Variants in KRT86 observed in about 807,000 individuals in gnomAD.
KRT86 encodes keratin 86, also known as keratin, type II cuticular Hb6.
In KRT86, 30 loss-of-function variants were observed where a neutral mutation model predicts 41.2. The observed-to-expected ratio is 0.73, with a 90% confidence interval of 0.54 to 0.99. KRT86 has a LOEUF of 0.99. KRT86 is among the 50% of genes least tolerant of loss of function. KRT86 has a pLI of 0.00. For missense variants in KRT86, 561 were observed against 571.4 expected (o/e 0.98, Z 0.19); for synonymous variants, 238 against 238.1 (o/e 1.00, Z 0.00).
intron 2 of KRT86, among the ~76,000 whole-genome samples, chr12:52,301,660 C>T (rs1938378621): frequency 6.6e-6 from 1 of 152,150 alleles, no homozygotes; most frequent in South Asian, 2.1e-4. Context: ...AAGAAGAAAA[C>T]TGCAGTTTAG....
At chr12:52,284,378 T>G (rs1201053602) in intron 2 of KRT86, among the ~76,000 whole-genome samples, 1 of 152,150 alleles carries the variant, frequency 6.6e-6, no homozygotes, top group East Asian at 1.9e-4. Context: ...TTTATAGAGA[T>G]AGAGTCTCAC....
At chr12:52,296,374 G>C (rs1385010886) in intron 2 of KRT86, among the ~76,000 whole-genome samples, 1 of 152,120 alleles carries the variant, frequency 6.6e-6, no homozygotes, top group Admixed American at 6.5e-5. Flanking sequence ...CAGCACCAAG[G>C]GAAAGTGTGT....
intron 2 of KRT86, chr12:52,288,098 C>T (rs748206510): frequency 2.5e-6 from 4 of 1,614,164 alleles, no homozygotes; most frequent in Middle Eastern, 1.6e-4. Flanking sequence ...TGTTGTCCAG[C>T]TTGACAACCA....
At chr12:52,283,469 C>A (rs1937828929) in intron 2 of KRT86, among the ~76,000 whole-genome samples, 2 of 116,288 alleles carry the variant, frequency 1.7e-5, no homozygotes. Context: ...CTAATCCAAG[C>A]ATTTTTTTTT....
intron 2 of KRT86, among the ~76,000 whole-genome samples, chr12:52,283,238 A>G (rs1032238339): frequency 3.3e-5 from 2 of 60,608 alleles, no homozygotes; most frequent in African/African-American, 7.2e-5. Context: ...TACTAAAAAT[A>G]CAAAAATTAG....
chr12:52,287,419 C>T, intron 2 of KRT86: 3 of 1,574,144 alleles, frequency 1.9e-6, no homozygotes, highest in South Asian at 2.3e-5. Flanking sequence ...TGGGAGCACC[C>T]CAGAACAGAG....
intron 2 of KRT86, chr12:52,287,396 C>A (rs1937982161): frequency 6.3e-7 from 1 of 1,590,932 alleles, no homozygotes; most frequent in Non-Finnish European, 8.6e-7. Flanking sequence ...TGAGACCACA[C>A]TCCCCACCAA....
intron 2 of KRT86, chr12:52,291,640 C>G (rs1329208028): frequency 9.7e-6 from 9 of 931,248 alleles, no homozygotes; most frequent in South Asian, 1.7e-5. Context: ...GGTGGTTAGC[C>G]GGGTCTAACG....
intron 2 of KRT86, among the ~76,000 whole-genome samples, chr12:52,281,907 T>TA (rs1037645342): frequency 6.2e-4 from 94 of 151,506 alleles, no homozygotes; most frequent in Non-Finnish European, 9.6e-4. Flanking sequence ...CTCTGCTAAT[T>TA]AAAAAAAAAG....
intron 2 of KRT86, among the ~76,000 whole-genome samples, chr12:52,285,179 G>A (rs1453483196): frequency 6.6e-6 from 1 of 152,174 alleles, no homozygotes; most frequent in Non-Finnish European, 1.5e-5. Context: ...GGCACAGAGA[G>A]GGTAAATACA....
At chr12:52,281,288 C>A (rs1937765949) in intron 2 of KRT86, among the ~76,000 whole-genome samples, 1 of 152,228 alleles carries the variant, frequency 6.6e-6, no homozygotes, top group African/African-American at 2.4e-5. Flanking sequence ...CCTCTGTTGG[C>A]TCTGCATGCC....
intron 9 of KRT86, among the ~76,000 whole-genome samples, chr12:52,307,706 T>G (rs575686126): frequency 6.6e-6 from 1 of 152,350 alleles, no homozygotes; most frequent in Non-Finnish European, 1.5e-5. Flanking sequence ...CTAACAGTTT[T>G]GTATTGAGCC....
intron 3 of KRT86, 80 bp downstream of exon 3, chr12:52,302,365 G>A: frequency 2.2e-6 from 1 of 454,130 alleles, no homozygotes; most frequent in South Asian, 2.2e-5. Context: ...GGAGTCAGAG[G>A]CACAAAGACC....
chr12:52,296,886 G>A (rs1938263474), intron 2 of KRT86, among the ~76,000 whole-genome samples: 1 of 152,254 alleles, frequency 6.6e-6, no homozygotes, highest in South Asian at 2.1e-4. Context: ...TGCTCCAGAT[G>A]TAGAGCCTAC....
At chr12:52,302,934 G>T (rs1938419725) in intron 3 of KRT86, among the ~76,000 whole-genome samples, 166 bp from the exon 4 acceptor site, 1 of 123,024 alleles carries the variant, frequency 8.1e-6, no homozygotes. Context: ...CACAGATCAT[G>T]ACCAGGAAAT....
chr12:52,285,215 G>A (rs1455606629), intron 2 of KRT86, among the ~76,000 whole-genome samples: 3 of 152,126 alleles, frequency 2.0e-5, no homozygotes, highest in Non-Finnish European at 4.4e-5. Context: ...ACCTAGGAAG[G>A]ACCAGGGCCC....
intron 4 of KRT86, among the ~76,000 whole-genome samples, chr12:52,303,616 C>A (rs1402685641): frequency 7.1e-6 from 1 of 141,734 alleles, no homozygotes; most frequent in East Asian, 2.4e-4. Context: ...TGACCCTCAG[C>A]CCCTATACTT....
At chr12:52,275,720 C>T (rs972542708) in intron 1 of KRT86, 101 bp from the exon 2 acceptor site, 33 of 326,950 alleles carry the variant, frequency 1.0e-4, no homozygotes, top group African/African-American at 7.4e-4. Flanking sequence ...AAGGGATGCC[C>T]AGAGAAGCTA....
chr12:52,287,129 C>T (rs777027305), intron 2 of KRT86: 3 of 1,613,314 alleles, frequency 1.9e-6, no homozygotes, highest in East Asian at 2.2e-5. Context: ...CAGCAGGCGC[C>T]TGTAGGTGGC....
Sources: allele counts gnomAD v4.1 joint callset (sites outside exome capture counted in the v4.1 genomes callset), GRCh38; gene constraint gnomAD v4.1.1; transcripts MANE v1.5; gene names NCBI Gene and HGNC (gene_info 2026-07-23, HGNC 2026-07-21).